POU2F3: variants seen among roughly 807,000 people sequenced by gnomAD.
POU2F3 encodes POU class 2 homeobox 3.
A neutral mutation model predicts 59.2 loss-of-function variants in POU2F3; 23 were observed. That is an observed-to-expected ratio of 0.39 (90% CI 0.28 to 0.55). The LOEUF (loss-of-function observed/expected upper bound fraction) is 0.55. Among genes scored for constraint, POU2F3 ranks in the 20% least tolerant of loss-of-function variants. The pLI, the probability that POU2F3 is intolerant of heterozygous loss-of-function variation, is 0.66. For missense variants in POU2F3, 473 were observed against 544.5 expected (o/e 0.87, Z 1.31); for synonymous variants, 190 against 214.6 (o/e 0.89, Z 1.00).
At chr11:120,306,778 G>A (rs1228063123) in intron 8 of POU2F3, among the ~76,000 whole-genome samples, 2 of 152,158 alleles carry the variant, frequency 1.3e-5, no homozygotes, top group East Asian at 1.9e-4. Context: ...GCCTCCACAC[G>A]CAAGCATGGG....
At chr11:120,306,703 G>A (rs1178861369) in intron 8 of POU2F3, among the ~76,000 whole-genome samples, 2 of 152,138 alleles carry the variant, frequency 1.3e-5, no homozygotes, top group African/African-American at 2.4e-5. Flanking sequence ...ATATGGATTC[G>A]TGGTTACACT....
chr11:120,236,696 A>G (rs1355164056), upstream of POU2F3: 22 of 1,502,916 alleles, frequency 1.5e-5, no homozygotes, highest in South Asian at 9.6e-5. Flanking sequence ...AGAACTGCTA[A>G]AGGAGGAAGG....
chr11:120,259,824 C>G (rs116018847), intron 2 of POU2F3, among the ~76,000 whole-genome samples: 1,832 of 152,302 alleles, frequency 0.012, 43 homozygotes, highest in African/African-American at 0.042. Context: ...AGAACTCTGA[C>G]CATTAGGCCA....
Position 120,267,640 on chromosome 11 carries a change from T to C in POU2F3, c.98-1570T>C, listed in dbSNP as rs373834961. Among the ~76,000 whole-genome samples the C allele has an allele frequency of 6.3e-3, 921 of 146,252 alleles. 7 individuals are homozygous for C. The highest frequency in any genetic ancestry group is 0.023 in the African/African-American group (840 of 36,752). ...TTAGGACACAGCTGAGGAAAAGGGG[T>C]TAAAACAGGGAATTCTCTTAGACCC... On this transcript the variant is annotated intron_variant, in intron 2 of 12. Transcript: ENST00000543440.
At chr11:120,304,942 T>TAA (rs11443197) in intron 6 of POU2F3, 88 bp from the exon 7 acceptor site, 33,576 of 333,384 alleles carry the variant, frequency 0.1, 6,072 homozygotes, top group African/African-American at 0.32. Flanking sequence ...GGCCTATTAG[T>TAA]AAAAAAAAAA....
At chr11:120,267,509 C>T (rs553099788) in intron 2 of POU2F3, among the ~76,000 whole-genome samples, 21 of 149,276 alleles carry the variant, frequency 1.4e-4, no homozygotes, top group Admixed American at 2.0e-4. Context: ...CTCGGGACCC[C>T]ACCTGCTCTT....
intron 3 of POU2F3, among the ~76,000 whole-genome samples, chr11:120,290,739 T>C (rs1940990239): frequency 6.6e-6 from 1 of 152,242 alleles, no homozygotes; most frequent in Non-Finnish European, 1.5e-5. Flanking sequence ...AAATATTTTT[T>C]CTCTTTCTTG....
intron 3 of POU2F3, 22 bp downstream of exon 3, chr11:120,269,266 A>G (rs1373933480): frequency 6.4e-7 from 1 of 1,564,228 alleles, no homozygotes; most frequent in Non-Finnish European, 8.8e-7. Context: ...GGTCAGAAAG[A>G]AACGTTTATT....
At chr11:120,284,459 GC>G (rs1290517151) in intron 3 of POU2F3, among the ~76,000 whole-genome samples, 1 of 152,148 alleles carries the variant, frequency 6.6e-6, no homozygotes, top group Non-Finnish European at 1.5e-5. Flanking sequence ...CCTACCACTT[GC>G]CGGCTGGGCC....
At chr11:120,237,798 TG>T (rs1379393444), upstream of POU2F3, among the ~76,000 whole-genome samples, 2 of 151,850 alleles carry the variant, frequency 1.3e-5, no homozygotes, top group Non-Finnish European at 2.9e-5. Context: ...AACCTGAAGT[TG>T]GGGAGGAGAA....
rs746281764 is a variant in POU2F3 at position 120,240,311 on chromosome 11, G to C, written c.-33G>C. On this transcript the variant is annotated 5_prime_UTR_variant, in exon 1 of 13. Coordinates refer to ENST00000543440, the MANE Select transcript of POU2F3 (RefSeq NM_014352.4). The stretch of plus-strand genomic sequence containing the variant: ...GCTGGGGCAGAGGCGAGGGGCCTGG[G>C]GGGGCGCTGGCTTTGGCCCCGCCTG... 19 of 1,362,358 alleles carry C rather than the reference G, an allele frequency of 1.4e-5. No individual in the cohort carries two copies. The South Asian group carries it at 1.9e-4, about 14-fold the overall frequency. The allele number at this position is 1,362,358 out of a possible 1,614,324, so 84.4% of individuals were successfully genotyped here.
At chr11:120,257,480 C>G (rs1480066592) in intron 2 of POU2F3, among the ~76,000 whole-genome samples, 1 of 152,122 alleles carries the variant, frequency 6.6e-6, no homozygotes, top group African/African-American at 2.4e-5. Flanking sequence ...CAGGGGCTCT[C>G]TGTGACCCTG....
rs537660873 is a variant in POU2F3, at chr11:120,317,679, A to T, written c.1271+315A>T. Among the ~76,000 whole-genome samples, 18 of 152,124 alleles carry T rather than the reference A, an allele frequency of 1.2e-4. No homozygotes were observed. In the South Asian group the frequency reaches 3.7e-3, roughly 32 times the overall value. On this transcript the variant is annotated intron_variant, in intron 12 of 12. Coordinates refer to ENST00000543440, the MANE Select transcript of POU2F3 (RefSeq NM_014352.4). ...AGAGCCAGGTCCTTTGCTGGGCTTC[A>T]TGGGAACCCAGTTCTCAGGAGGTTC...
intron 3 of POU2F3, among the ~76,000 whole-genome samples, chr11:120,294,527 T>TGCACAA (rs1168247146): frequency 1.3e-5 from 2 of 152,200 alleles, no homozygotes; most frequent in East Asian, 3.9e-4. Flanking sequence ...TAGAAGTCAA[T>TGCACAA]GGGATCCAAC....
upstream of POU2F3, among the ~76,000 whole-genome samples, chr11:120,239,768 G>A (rs1462433187): frequency 6.6e-6 from 1 of 152,184 alleles, no homozygotes; most frequent in Non-Finnish European, 1.5e-5. Context: ...TTCCAAAACT[G>A]AATTCTTTCC....
chr11:120,307,078 C>T (rs1448341348), intron 8 of POU2F3, among the ~76,000 whole-genome samples: 1 of 152,264 alleles, frequency 6.6e-6, no homozygotes, highest in Non-Finnish European at 1.5e-5. Context: ...TCAGTATTCA[C>T]ATCCAGGCAT....
At chr11:120,266,644 T>C (rs116774450) in intron 2 of POU2F3, among the ~76,000 whole-genome samples, 1,804 of 152,272 alleles carry the variant, frequency 0.012, 40 homozygotes, top group African/African-American at 0.041. Flanking sequence ...TCCTCAGGAC[T>C]TCGAAAGACT....
At chr11:120,295,788 G>A (rs1423754446) in intron 3 of POU2F3, among the ~76,000 whole-genome samples, 2 of 152,100 alleles carry the variant, frequency 1.3e-5, no homozygotes, top group East Asian at 3.9e-4. Flanking sequence ...CATGTTTTTT[G>A]AGTTTTCTGA....
intron 8 of POU2F3, among the ~76,000 whole-genome samples, chr11:120,306,504 C>T (rs1312312278): frequency 6.6e-6 from 1 of 152,170 alleles, no homozygotes; most frequent in Non-Finnish European, 1.5e-5. Context: ...TTGAGCATCC[C>T]TGGTCCCTAC....
Sources: gnomAD v4.1 joint callset for allele counts (sites outside exome capture counted in the v4.1 genomes callset) on GRCh38, gnomAD v4.1.1 for gene constraint, MANE v1.5 for transcripts, NCBI Gene and HGNC (gene_info 2026-07-23, HGNC 2026-07-21) for gene names.